The following KLF12 variants were observed in gnomAD, a reference collection of about 807,000 sequenced individuals.
KLF12 encodes Krueppel-like factor 12.
A neutral mutation model predicts 37.8 loss-of-function variants in KLF12; 9 were observed. The ratio of observed to expected loss-of-function variants is 0.24; its 90% CI spans 0.14 to 0.42. The LOEUF (loss-of-function observed/expected upper bound fraction) is 0.42, where lower values mean the gene tolerates loss of function less well. Among genes scored for constraint, KLF12 ranks in the 10% least tolerant of loss-of-function variants. The pLI, the probability that KLF12 is intolerant of heterozygous loss-of-function variation, is 1.00. For missense variants in KLF12, 411 were observed against 516.0 expected (o/e 0.80, Z 1.97); for synonymous variants, 208 against 202.1 (o/e 1.03, Z -0.25).
At chr13:73,911,317 ATATT>A (rs1429438331) in intron 3 of KLF12, among the ~76,000 whole-genome samples, 3 of 152,216 alleles carry the variant, frequency 2.0e-5, no homozygotes, top group Non-Finnish European at 4.4e-5. Flanking sequence ...ATGAATGAAA[ATATT>A]TATTCAAATT....
chr13:74,138,772 A>G (rs1473389783), upstream of KLF12, among the ~76,000 whole-genome samples: 4 of 152,054 alleles, frequency 2.6e-5, no homozygotes, highest in Non-Finnish European at 5.9e-5. Flanking sequence ...CCTCACATGC[A>G]CTAATTATAA....
At chr13:74,277,449 T>A in the KLF12 span, among the ~76,000 whole-genome samples, 4 of 152,152 alleles carry the variant, frequency 2.6e-5, no homozygotes, top group Non-Finnish European at 2.9e-5. Flanking sequence ...TCTGTATTAT[T>A]CAGTAAGTGT....
At chr13:73,941,969 T>C (rs1221550062) in intron 3 of KLF12, among the ~76,000 whole-genome samples, 1 of 152,182 alleles carries the variant, frequency 6.6e-6, no homozygotes, top group Non-Finnish European at 1.5e-5. Flanking sequence ...GCAATACCTA[T>C]GAACCCACAA....
the KLF12 span, among the ~76,000 whole-genome samples, chr13:74,159,975 C>G: frequency 7.2e-6 from 1 of 139,720 alleles, no homozygotes; most frequent in Non-Finnish European, 1.5e-5. Flanking sequence ...ACACTCCAGC[C>G]TGTGTGACAG....
intron 1 of KLF12, among the ~76,000 whole-genome samples, chr13:74,039,741 A>T (rs138243721): frequency 6.6e-6 from 1 of 152,358 alleles, no homozygotes; most frequent in East Asian, 1.9e-4. Context: ...ATTAGGATAA[A>T]GATAGAAATT....
the KLF12 span, among the ~76,000 whole-genome samples, chr13:74,237,670 T>C: frequency 1.3e-4 from 19 of 151,714 alleles, no homozygotes; most frequent in East Asian, 3.7e-3. Context: ...CCCTTGTAAG[T>C]TGGATTCCTA....
At chr13:74,094,278 A>G (rs1875849007) in intron 1 of KLF12, among the ~76,000 whole-genome samples, 1 of 152,216 alleles carries the variant, frequency 6.6e-6, no homozygotes, top group Admixed American at 6.5e-5. Context: ...TTTATTAATA[A>G]TAACTATAAC....
rs1221243184 is a variant in KLF12, at chr13:73,916,223, A to ACC, written c.123+27757_123+27758insGG. Among the ~76,000 whole-genome samples the ACC allele has an allele frequency of 1.1e-4, 4 of 35,234 alleles. No homozygotes were observed. In the Admixed American group the frequency reaches 1.6e-3, roughly 14 times the overall value. The allele number at this position is 35,234 out of a possible 152,430, so 23.1% of individuals were successfully genotyped here. Reference sequence around the variant, plus strand: ...AGCTAATACTTACACACACACACACACACACACACACACACACGCACACGC... The same window carrying ACC: ...AGCTAATACTTACACACACACACACACCCACACACACACACACACGCACACGC... On this transcript the variant is annotated intron_variant, in intron 3 of 7. Coordinates refer to ENST00000377669, the MANE Select transcript of KLF12 (RefSeq NM_007249.5).
chr13:74,102,943 G>A (rs1876443381), intron 1 of KLF12, among the ~76,000 whole-genome samples: 1 of 152,192 alleles, frequency 6.6e-6, no homozygotes, highest in South Asian at 2.1e-4. Flanking sequence ...GGATTGGATG[G>A]TTGTGTCATA....
chr13:73,980,786 T>C (rs993607934), intron 2 of KLF12, among the ~76,000 whole-genome samples: 1 of 152,138 alleles, frequency 6.6e-6, no homozygotes, highest in Non-Finnish European at 1.5e-5. Context: ...GCACACCAGA[T>C]TGAAAAATCT....
chr13:73,878,997 G>C (rs1419021159), intron 3 of KLF12, among the ~76,000 whole-genome samples: 1 of 152,154 alleles, frequency 6.6e-6, no homozygotes, highest in East Asian at 1.9e-4. Context: ...GGGCTGATAT[G>C]ATCTGATTTA....
intron 3 of KLF12, among the ~76,000 whole-genome samples, chr13:73,909,559 T>C (rs1346363970): frequency 1.3e-5 from 2 of 152,166 alleles, no homozygotes; most frequent in East Asian, 1.9e-4. Flanking sequence ...TGGCCACATA[T>C]ACCTAAACAG....
intron 3 of KLF12, among the ~76,000 whole-genome samples, chr13:73,862,986 A>G (rs528219898): frequency 2.0e-5 from 3 of 152,298 alleles, no homozygotes; most frequent in East Asian, 3.9e-4. Context: ...TCAATTATCT[A>G]CTCATAGACA....
chr13:73,855,860 A>T (rs1199361300), intron 3 of KLF12, among the ~76,000 whole-genome samples: 1 of 152,178 alleles, frequency 6.6e-6, no homozygotes. Flanking sequence ...ATTTAATTGC[A>T]TCTCAACTCA....
the KLF12 span, among the ~76,000 whole-genome samples, chr13:74,216,814 G>T: frequency 6.6e-6 from 1 of 152,128 alleles, no homozygotes; most frequent in East Asian, 1.9e-4. Context: ...ACCTTGACGG[G>T]AAGGAGAGTT....
chr13:73,851,179 G>A (rs1004195633), intron 3 of KLF12, among the ~76,000 whole-genome samples: 14 of 152,118 alleles, frequency 9.2e-5, no homozygotes, highest in Admixed American at 3.3e-4. Flanking sequence ...AACTTCCTCC[G>A]GTTAGAACTA....
At chr13:74,140,562 G>C in the KLF12 span, among the ~76,000 whole-genome samples, 1 of 152,212 alleles carries the variant, frequency 6.6e-6, no homozygotes, top group Admixed American at 6.5e-5. Flanking sequence ...GTTCTTGCTA[G>C]TATTGGGTGG....
intron 4 of KLF12, among the ~76,000 whole-genome samples, chr13:73,813,706 G>C (rs991623131): frequency 6.6e-6 from 1 of 152,140 alleles, no homozygotes; most frequent in Non-Finnish European, 1.5e-5. Context: ...GCGGAAAGGA[G>C]ATATTAGTTG....
chr13:73,769,324 T>C (rs960878154), intron 5 of KLF12, among the ~76,000 whole-genome samples: 2 of 152,206 alleles, frequency 1.3e-5, no homozygotes, highest in East Asian at 1.9e-4. Context: ...CTCCATGTTT[T>C]CAAATCTAAT....
Sources: allele counts gnomAD v4.1 joint callset (sites outside exome capture counted in the v4.1 genomes callset), GRCh38; gene constraint gnomAD v4.1.1; transcripts MANE v1.5; gene names NCBI Gene and HGNC (gene_info 2026-07-23, HGNC 2026-07-21).